THSD7B: variants seen among roughly 807,000 people sequenced by gnomAD.
The protein encoded by THSD7B is thrombospondin type 1 domain containing 7B.
A neutral mutation model predicts 213.6 loss-of-function variants in THSD7B; 138 were observed. The observed-to-expected ratio is 0.65, with a 90% CI of 0.56 to 0.74. The LOEUF (loss-of-function observed/expected upper bound fraction) is 0.74, where lower values mean the gene tolerates loss of function less well. THSD7B is among the 30% of genes least tolerant of loss of function. The probability of loss-of-function intolerance (pLI) is 0.00; values close to 1 mark genes in which losing one functional copy is unlikely to be tolerated. For missense variants in THSD7B, 1,931 were observed against 1,991.5 expected (o/e 0.97, Z 0.58); for synonymous variants, 742 against 687.0 (o/e 1.08, Z -1.25).
intron 15 of THSD7B, chr2:137,451,892 T>A (rs1418701667): frequency 3.1e-5 from 6 of 195,590 alleles, no homozygotes; most frequent in African/African-American, 1.4e-4. Flanking sequence ...ATTGGGAAAC[T>A]TAACAGAATA....
At chr2:136,976,813 G>A (rs1685489214) in intron 2 of THSD7B, among the ~76,000 whole-genome samples, 3 of 152,004 alleles carry the variant, frequency 2.0e-5, no homozygotes, top group African/African-American at 4.8e-5. Flanking sequence ...AGTAGAGACG[G>A]GGTTTCACTG....
intron 12 of THSD7B, among the ~76,000 whole-genome samples, chr2:137,328,293 C>T (rs919361836): frequency 1.6e-4 from 24 of 152,148 alleles, no homozygotes; most frequent in African/African-American, 5.3e-4. Flanking sequence ...ACAACAAACA[C>T]ATTTATGCAC....
At chr2:136,890,869 T>A (rs1000776539) in intron 2 of THSD7B, among the ~76,000 whole-genome samples, 134 of 152,008 alleles carry the variant, frequency 8.8e-4, no homozygotes, top group Admixed American at 3.9e-4. Context: ...ATTTTTTTTT[T>A]ATGCAATTTC....
chr2:137,204,106 A>T lies in THSD7B; in HGVS notation c.1724-26938A>T, dbSNP rs1680933789. On this transcript the variant is annotated intron_variant, in intron 7 of 27. Coordinates refer to ENST00000409968, the MANE Select transcript of THSD7B (RefSeq NM_001316349.2). ...ATTGGAATAGAATGATAGGCAAGAC[A>T]GTTCAGTCCTCTGGGGTTTCTATGT... 2.0e-5 allele frequency among the ~76,000 whole-genome samples: 3 copies of T among 152,148 alleles called. No homozygotes were observed. The South Asian group carries it at 6.2e-4, about 32-fold the overall frequency.
intron 1 of THSD7B, among the ~76,000 whole-genome samples, chr2:136,803,786 C>T (rs1300584673): frequency 6.6e-6 from 1 of 152,148 alleles, no homozygotes; most frequent in East Asian, 1.9e-4. Context: ...CATCAGTAGA[C>T]AATGATTATG....
intron 15 of THSD7B, among the ~76,000 whole-genome samples, chr2:137,559,945 G>C (rs535982153): frequency 1.3e-5 from 2 of 152,200 alleles, no homozygotes; most frequent in African/African-American, 2.4e-5. Flanking sequence ...ATCCAGCCAA[G>C]AGACACATCA....
chr2:137,408,665 AAGATG>A (rs1373124292), intron 13 of THSD7B, among the ~76,000 whole-genome samples: 1 of 152,204 alleles, frequency 6.6e-6, no homozygotes, highest in African/African-American at 2.4e-5. Flanking sequence ...GATCTAAATA[AAGATG>A]AGATGTTGGT....
At chr2:137,257,546 T>C (rs141996897) in intron 10 of THSD7B, among the ~76,000 whole-genome samples, 161 of 152,184 alleles carry the variant, frequency 1.1e-3, no homozygotes, top group African/African-American at 3.3e-3. Context: ...CTGTGCAAAA[T>C]GGGAAAATGT....
At chr2:137,333,308 G>T (rs537436995) in intron 12 of THSD7B, among the ~76,000 whole-genome samples, 1 of 152,116 alleles carries the variant, frequency 6.6e-6, no homozygotes, top group South Asian at 2.1e-4. Flanking sequence ...TCTCTACTCT[G>T]CAGCCAAAAT....
chr2:137,184,188 A>T (rs1175133111), intron 7 of THSD7B, among the ~76,000 whole-genome samples: 2 of 152,134 alleles, frequency 1.3e-5, no homozygotes, highest in Admixed American at 1.3e-4. Flanking sequence ...GAGAAGGGAC[A>T]CTGTGTCCTC....
chr2:136,946,328 T>C (rs1684936892), intron 2 of THSD7B, among the ~76,000 whole-genome samples: 1 of 152,108 alleles, frequency 6.6e-6, no homozygotes, highest in South Asian at 2.1e-4. Flanking sequence ...ACAACAAATA[T>C]TGCTGCCCGA....
At chr2:137,479,302 A>G (rs1688253568) in intron 15 of THSD7B, among the ~76,000 whole-genome samples, 1 of 152,046 alleles carries the variant, frequency 6.6e-6, no homozygotes, top group Non-Finnish European at 1.5e-5. Flanking sequence ...CACCAGGAGG[A>G]GTGCTCAGGT....
At chr2:137,130,739 T>A (rs1232009762) in intron 5 of THSD7B, among the ~76,000 whole-genome samples, 1 of 146,834 alleles carries the variant, frequency 6.8e-6, no homozygotes, top group Non-Finnish European at 1.5e-5. Context: ...TAGTATTCCA[T>A]GGTGTATATG....
At chr2:137,235,746 A>AT (rs146831178) in intron 9 of THSD7B, among the ~76,000 whole-genome samples, 290 of 152,302 alleles carry the variant, frequency 1.9e-3, no homozygotes, top group African/African-American at 6.8e-3. Flanking sequence ...CTAAAATATT[A>AT]TTATTACAGT....
chr2:137,320,595 C>G (rs1684241142), intron 12 of THSD7B, among the ~76,000 whole-genome samples: 1 of 152,106 alleles, frequency 6.6e-6, no homozygotes, highest in Non-Finnish European at 1.5e-5. Flanking sequence ...TAATTATACC[C>G]AAAGCCCAAG....
intron 12 of THSD7B, among the ~76,000 whole-genome samples, chr2:137,350,099 G>C (rs939564696): frequency 2.6e-4 from 39 of 151,610 alleles, no homozygotes; most frequent in Non-Finnish European, 1.8e-4. Context: ...AATGTATTAG[G>C]GATGGAATAC....
intron 2 of THSD7B, among the ~76,000 whole-genome samples, chr2:137,025,464 T>C (rs1277796905): frequency 6.6e-6 from 1 of 152,184 alleles, no homozygotes; most frequent in African/African-American, 2.4e-5. Context: ...TGTGTGGATG[T>C]CGATTATTTA....
At chr2:137,365,611 A>T (rs1685389109) in intron 12 of THSD7B, among the ~76,000 whole-genome samples, 1 of 152,238 alleles carries the variant, frequency 6.6e-6, no homozygotes, top group Admixed American at 6.5e-5. Flanking sequence ...AAAAGAAGAC[A>T]TTTATGCAGC....
intron 17 of THSD7B, among the ~76,000 whole-genome samples, chr2:137,609,793 G>C (rs749045882): frequency 1.3e-5 from 2 of 152,264 alleles, no homozygotes; most frequent in South Asian, 4.1e-4. Context: ...AGAATGGGAA[G>C]ATTGGAGTCA....
Sources: gnomAD v4.1 joint callset for allele counts (sites outside exome capture counted in the v4.1 genomes callset) on GRCh38, gnomAD v4.1.1 for gene constraint, MANE v1.5 for transcripts, NCBI Gene and HGNC (gene_info 2026-07-23, HGNC 2026-07-21) for gene names.